Variants in SIPA1L3 observed in about 807,000 individuals in gnomAD.
SIPA1L3 encodes the protein signal induced proliferation associated 1 like 3.
A neutral mutation model predicts 150.1 loss-of-function variants in SIPA1L3; 59 were observed. That is an observed-to-expected ratio of 0.39 (90% confidence interval 0.32 to 0.49). The LOEUF (loss-of-function observed/expected upper bound fraction) is 0.49, where lower values mean the gene tolerates loss of function less well. Among genes scored for constraint, SIPA1L3 ranks in the 20% least tolerant of loss-of-function variants. SIPA1L3 has a pLI of 0.86. For synonymous variants in SIPA1L3, 1,070 were observed against 1,077.6 expected (o/e 0.99, Z 0.14); for missense variants, 2,211 against 2,489.5 (o/e 0.89, Z 2.38).
chr19:38,033,694 T>C (rs112763124), intron 2 of SIPA1L3, among the ~76,000 whole-genome samples: 3 of 141,802 alleles, frequency 2.1e-5, no homozygotes, highest in African/African-American at 8.4e-5. Flanking sequence ...TGTGTGTGTG[T>C]GTGTGCGTGT....
intron 1 of SIPA1L3, among the ~76,000 whole-genome samples, chr19:37,963,480 C>A (rs566956088): frequency 2.0e-4 from 31 of 152,354 alleles, no homozygotes; most frequent in Admixed American, 1.8e-3. Context: ...TGGTCTTCCC[C>A]ATTTGTTTGG....
At chr19:37,946,480 A>C (rs1279358179) in intron 1 of SIPA1L3, among the ~76,000 whole-genome samples, 1 of 152,246 alleles carries the variant, frequency 6.6e-6, no homozygotes, top group East Asian at 1.9e-4. Flanking sequence ...AAGTTACCAA[A>C]GTAACTAATA....
intron 1 of SIPA1L3, among the ~76,000 whole-genome samples, chr19:37,950,781 CCTT>C (rs1464551149): frequency 2.0e-5 from 3 of 152,248 alleles, no homozygotes; most frequent in Non-Finnish European, 4.4e-5. Context: ...CGGCACTTTT[CCTT>C]CTTCTCTTGT....
intron 2 of SIPA1L3, among the ~76,000 whole-genome samples, chr19:38,049,601 C>T (rs1039865582): frequency 4.6e-5 from 7 of 152,202 alleles, no homozygotes; most frequent in Admixed American, 1.3e-4. Flanking sequence ...GGCTTACCCC[C>T]AGGAGTCAGT....
intron 15 of SIPA1L3, among the ~76,000 whole-genome samples, chr19:38,167,015 A>G (rs1395031143): frequency 2.0e-5 from 3 of 152,094 alleles, no homozygotes; most frequent in Non-Finnish European, 2.9e-5. Flanking sequence ...CAAGCGGATC[A>G]CAAGGTCAAG....
At position 38,081,278 on chromosome 19, in the gene SIPA1L3, C is replaced by T; in HGVS notation, c.-288C>T. On this transcript the variant is annotated 5_prime_UTR_variant, in exon 3 of 22. Coordinates refer to ENST00000222345, the MANE Select transcript of SIPA1L3 (RefSeq NM_015073.3). ...CAGCATGGCGAGGACAACATCCTTG[C>T]TGCCTCCAGCTGGCGGGCGACCACA... 3 of 423,654 alleles carry T rather than the reference C, an allele frequency of 7.1e-6. No individual in the cohort carries two copies. Among genetic ancestry groups the T allele is most frequent in the Non-Finnish European group, 1.3e-5 (3 of 239,714 alleles). The allele number at this position is 423,654 out of a possible 1,614,324, so 26.2% of individuals were successfully genotyped here.
At chr19:38,003,351 C>G (rs1414335048) in intron 1 of SIPA1L3, among the ~76,000 whole-genome samples, 1 of 152,138 alleles carries the variant, frequency 6.6e-6, no homozygotes, top group African/African-American at 2.4e-5. Context: ...ATTTTTCAAG[C>G]TGTAGTACAG....
At chr19:37,980,200 T>C (rs1196655194) in intron 1 of SIPA1L3, among the ~76,000 whole-genome samples, 2 of 152,246 alleles carry the variant, frequency 1.3e-5, no homozygotes, top group Admixed American at 1.3e-4. Context: ...GTGTGAGCAG[T>C]CTCTGTCCTC....
chr19:38,057,069 G>C (rs920929373), intron 2 of SIPA1L3, among the ~76,000 whole-genome samples: 91 of 152,148 alleles, frequency 6.0e-4, no homozygotes, highest in African/African-American at 2.0e-3. Context: ...TCAGGGGTTC[G>C]AGACCAGTCT....
chr19:38,171,385 C>CTTTTTT (rs1055077464), intron 15 of SIPA1L3, among the ~76,000 whole-genome samples: 53 of 77,890 alleles, frequency 6.8e-4, no homozygotes, highest in Non-Finnish European at 9.9e-4. Context: ...CCTACCAAAA[C>CTTTTTT]TTTTTTTTTT....
Position 38,100,132 on chromosome 19 carries a change from G to A in SIPA1L3, c.1836G>A (p.Leu612=). Residue 612 remains leucine, a synonymous_variant, in exon 5 of 22, where the codon CTG becomes CTA. Coordinates refer to ENST00000222345, the MANE Select transcript of SIPA1L3 (RefSeq NM_015073.3). The part of the protein sequence containing the change: ...LNTPKVTEQL[L]KLDEQGLCRK... The stretch of plus-strand genomic sequence containing the variant: ...CCCCCAAGGTGACGGAGCAACTGCT[G>A]AAGCTCGATGAGCAAGGGGTGAGTC... 1 of 1,588,514 alleles carries A rather than the reference G, an allele frequency of 6.3e-7. No individual in the cohort carries two copies. Among genetic ancestry groups the A allele is most frequent in the East Asian group, 2.4e-5 (1 of 42,452 alleles).
intron 9 of SIPA1L3, among the ~76,000 whole-genome samples, chr19:38,121,734 G>A (rs1024527374): frequency 3.0e-4 from 45 of 149,532 alleles, no homozygotes; most frequent in Non-Finnish European, 2.4e-4. Flanking sequence ...GCGAGACTCC[G>A]TCTCAAAAAA....
intron 2 of SIPA1L3, among the ~76,000 whole-genome samples, chr19:38,041,267 C>T (rs1383868560): frequency 4.6e-5 from 6 of 129,838 alleles, no homozygotes; most frequent in Admixed American, 8.9e-5. Context: ...CCAACACGCT[C>T]AGCTAATTTT....
chr19:38,123,319 AT>A (rs1971072179), intron 9 of SIPA1L3, among the ~76,000 whole-genome samples: 1 of 127,262 alleles, frequency 7.9e-6, no homozygotes, highest in East Asian at 2.3e-4. Flanking sequence ...ACAGAGGGGG[AT>A]TTGGCAGGGT....
rs748637025 is a variant in SIPA1L3 at position 38,164,631 on chromosome 19, C to G, written c.3933C>G (p.Ile1311Met). 1.2e-6 allele frequency: 2 copies of G among 1,613,984 alleles called. No homozygotes were observed. Among genetic ancestry groups the G allele is most frequent in the Non-Finnish European group, 1.7e-6 (2 of 1,179,994 alleles). The change falls in exon 15 of 22, where the codon ATC becomes ATG. Residue 1311 changes from isoleucine to methionine, a missense_variant. Around this residue, in one of 5 missense-constraint regions of SIPA1L3, gnomAD observed 806 missense variants for 870.1 expected, o/e 0.93. Transcript: ENST00000222345. This position sits in a 1 kb window ranked among gnomAD's most constrained non-coding sequence, Gnocchi z 4.1. ...LSKGGSSDSGIDTTLYTSSPS... is the reference protein window; with the variant it reads ...LSKGGSSDSGMDTTLYTSSPS... ...AGGGTGGCTCTAGTGACAGCGGCAT[C>G]GACACCACCCTCTACACCTCCAGCC...
intron 1 of SIPA1L3, among the ~76,000 whole-genome samples, chr19:37,976,161 G>A (rs1967071479): frequency 6.6e-6 from 1 of 151,762 alleles, no homozygotes; most frequent in Non-Finnish European, 1.5e-5. Context: ...TGAGTGGTGG[G>A]GGCCAGGGAT....
intron 1 of SIPA1L3, among the ~76,000 whole-genome samples, chr19:37,945,878 G>A (rs2046706169): frequency 6.6e-6 from 1 of 152,066 alleles, no homozygotes; most frequent in Non-Finnish European, 1.5e-5. Flanking sequence ...CTTGTGGCTG[G>A]GCGTGGTGGC....
intron 1 of SIPA1L3, among the ~76,000 whole-genome samples, chr19:37,950,964 T>A (rs1265398193): frequency 6.6e-6 from 1 of 152,240 alleles, no homozygotes; most frequent in African/African-American, 2.4e-5. Context: ...CTCCCGCAGG[T>A]GGAGAGGAAG....
rs1300005009 is a variant in SIPA1L3 at position 38,110,325 on chromosome 19, C to A, written c.2232C>A (p.Phe744Leu). Reference sequence around the variant, plus strand: ...CCCCCAAGAACATCCGCTCCCACTTCCAGCACGTCTTCATCATTGTCCGAG... The same window carrying A: ...CCCCCAAGAACATCCGCTCCCACTTACAGCACGTCTTCATCATTGTCCGAG... ...PFTPKNIRSH[F>L]QHVFIIVRVH... The change falls in exon 8 of 22, where the codon TTC (phenylalanine) becomes TTA (leucine). Residue 744 changes from phenylalanine to leucine, a missense_variant. Phe to Leu is a conservative substitution (Grantham distance 22). Coordinates refer to ENST00000222345, the MANE Select transcript of SIPA1L3 (RefSeq NM_015073.3). The A allele has an allele frequency of 6.2e-7, 1 of 1,614,180 alleles. No homozygotes were observed. The highest frequency in any genetic ancestry group is 8.5e-7 in the Non-Finnish European group (1 of 1,180,036).
Sources: allele counts gnomAD v4.1 joint callset (sites outside exome capture counted in the v4.1 genomes callset), GRCh38; gene constraint gnomAD v4.1.1; regional missense constraint gnomAD v4.1.1; non-coding constraint Gnocchi (gnomAD v3.1); transcripts MANE v1.5; gene names NCBI Gene and HGNC (gene_info 2026-07-23, HGNC 2026-07-21).